DIO2: variants seen among roughly 807,000 people sequenced by gnomAD.
DIO2 encodes type II iodothyronine deiodinase.
In DIO2, 19 loss-of-function variants were observed where a neutral mutation model predicts 21.4. The observed-to-expected ratio is 0.89, with a 90% CI of 0.62 to 1.30. DIO2 has a LOEUF of 1.30. Ranked by LOEUF, DIO2 falls within the 50% of genes most tolerant of loss-of-function variation. The pLI, the probability that DIO2 is intolerant of heterozygous loss-of-function variation, is 0.00. For missense variants in DIO2, 302 were observed against 338.1 expected (o/e 0.89, Z 0.84); for synonymous variants, 122 against 132.9 (o/e 0.92, Z 0.57).
At chr14:80,203,980 C>A (rs1230878454) in intron 1 of DIO2, among the ~76,000 whole-genome samples, 1 of 152,206 alleles carries the variant, frequency 6.6e-6, no homozygotes, top group Non-Finnish European at 1.5e-5. Flanking sequence ...AAAAAGAGCT[C>A]TTTGTGCACT....
At position 80,211,376 on chromosome 14, in the gene DIO2, G is replaced by C; in HGVS notation, c.97C>G (p.Leu33Val). 6.2e-7 allele frequency: 1 copy of C among 1,613,756 alleles called. No homozygotes were observed. The highest frequency in any genetic ancestry group is 8.5e-7 in the Non-Finnish European group (1 of 1,179,844). ...AACAGCAGCACCACGTGCTTGAGCA[G>C]AATGACCGAGTCATAGAGAGCCAGG... ...LFLALYDSVI[L>V]LKHVVLLLSR... Residue 33 changes from leucine (L) to valine (V), a missense_variant, in exon 1 of 2, where the codon CTG becomes GTG. By Grantham distance (32) the Leu-to-Val change is conservative. Coordinates refer to ENST00000438257, the MANE Select transcript of DIO2 (RefSeq NM_013989.5).
chr14:80,211,274 A>AC lies in DIO2; in HGVS notation c.198_199insG (p.Phe67ValfsTer13). Reference sequence around the variant, plus strand: ...ACCTGTTTGTAGGCATCGAGGAGGAAGCTCTTCCAGACGCAGCGCAGTCCC... The same window carrying AC: ...ACCTGTTTGTAGGCATCGAGGAGGAACGCTCTTCCAGACGCAGCGCAGTCCC... On this transcript the variant is annotated frameshift_variant, in exon 1 of 2. Coordinates refer to ENST00000438257, the MANE Select transcript of DIO2 (RefSeq NM_013989.5). LOFTEE classifies it high-confidence loss of function. The AC allele has an allele frequency of 1.9e-6, 3 of 1,612,084 alleles. No individual in the cohort carries two copies. The highest frequency in any genetic ancestry group is 2.5e-6 in the Non-Finnish European group (3 of 1,179,728).
In DIO2 at chr14:80,197,898, G is replaced by A. The variant is rs1424355300; in HGVS notation, c.*4791C>T. The A allele has an allele frequency of 1.3e-5, 2 of 152,702 alleles. No individual in the cohort carries two copies. The highest frequency in any genetic ancestry group is 2.9e-5 in the Non-Finnish European group (2 of 68,076). The allele number at this position is 152,702 out of a possible 1,614,324, so 9.5% of individuals were successfully genotyped here. A position where few individuals can be genotyped will look rare whatever the true frequency, so the allele number is the denominator to read the frequency against. On this transcript the variant is annotated 3_prime_UTR_variant, in exon 2 of 2. Coordinates refer to ENST00000438257, the MANE Select transcript of DIO2 (RefSeq NM_013989.5). Reference sequence around the variant, plus strand: ...TTCGGGCGCCCGATTACTTGGGCTAGTGAGTCTGGTGACAATGTGATGCAA... The same window carrying A: ...TTCGGGCGCCCGATTACTTGGGCTAATGAGTCTGGTGACAATGTGATGCAA...
rs1472846291 is a variant in DIO2, at chr14:80,199,620, T to A, written c.*3069A>T. 2.0e-5 allele frequency: 3 copies of A among 152,556 alleles called. No individual in the cohort carries two copies. Among genetic ancestry groups the A allele is most frequent in the African/African-American group, 7.2e-5 (3 of 41,446 alleles). 9.5% of individuals were successfully genotyped at this position (152,556 alleles called of 1,614,324 possible). A position where few individuals can be genotyped will look rare whatever the true frequency, so the allele number is the denominator to read the frequency against. On this transcript the variant is annotated 3_prime_UTR_variant, in exon 2 of 2. Coordinates refer to ENST00000438257, the MANE Select transcript of DIO2 (RefSeq NM_013989.5). ...TCCCACTAGTATTTTCACTAAGCAA[T>A]AAATAAAGTCAGTTTTTGATAGGTC...
At chr14:80,213,310 T>G (rs1386195372), upstream of DIO2, among the ~76,000 whole-genome samples, 1 of 152,186 alleles carries the variant, frequency 6.6e-6, no homozygotes, top group Non-Finnish European at 1.5e-5. Context: ...TACTGGGTAA[T>G]AGATAGCTGA....
At chr14:80,213,919 A>C (rs1251795798), upstream of DIO2, among the ~76,000 whole-genome samples, 1 of 152,236 alleles carries the variant, frequency 6.6e-6, no homozygotes, top group Non-Finnish European at 1.5e-5. Context: ...AAAGCTTAGA[A>C]AAATAATATA....
At chr14:80,227,790 T>C (rs1037231825) in intron 2 of DIO2, among the ~76,000 whole-genome samples, 13 of 152,162 alleles carry the variant, frequency 8.5e-5, no homozygotes, top group Non-Finnish European at 7.4e-5. Context: ...AATGGCAGCC[T>C]TTTGAATCAC....
rs1887680243 is a variant in DIO2, at chr14:80,200,679, G to T, written c.*2010C>A. The T allele has an allele frequency of 6.6e-6, 1 of 152,154 alleles. No homozygotes were observed. Among genetic ancestry groups the T allele is most frequent in the African/African-American group, 2.4e-5 (1 of 41,430 alleles). 9.4% of individuals were successfully genotyped at this position (152,154 alleles called of 1,614,324 possible). On this transcript the variant is annotated 3_prime_UTR_variant, in exon 2 of 2. Coordinates refer to ENST00000438257, the MANE Select transcript of DIO2 (RefSeq NM_013989.5). ...ATTTTCCAGCAACTCATTAGATAATGAAATTTGCTTTGTTTCTTTGTGGGT... is the reference window on the plus strand; with the variant it reads ...ATTTTCCAGCAACTCATTAGATAATTAAATTTGCTTTGTTTCTTTGTGGGT...
At chr14:80,211,592 G>GGGA, upstream of DIO2, 1 of 162,280 alleles carries the variant, frequency 6.2e-6, no homozygotes, top group Non-Finnish European at 1.2e-5. Flanking sequence ...GGGGTTGGGG[G>GGGA]AGAAGGGGAA....
intron 2 of DIO2, among the ~76,000 whole-genome samples, chr14:80,224,545 T>G (rs1369803215): frequency 1.1e-5 from 1 of 86,964 alleles, no homozygotes; most frequent in Non-Finnish European, 2.8e-5. Flanking sequence ...AAGACAACAA[T>G]GAGAAGATGG....
At chr14:80,224,877 A>C (rs1888541059) in intron 2 of DIO2, among the ~76,000 whole-genome samples, 1 of 152,130 alleles carries the variant, frequency 6.6e-6, no homozygotes, top group East Asian at 1.9e-4. Context: ...GGAGTTTATT[A>C]AGTATTAACT....
chr14:80,214,327 A>T (rs1594879475), upstream of DIO2, among the ~76,000 whole-genome samples: 1 of 152,356 alleles, frequency 6.6e-6, no homozygotes, highest in East Asian at 1.9e-4. Context: ...GAAGGAGGAA[A>T]GTATGTTTGT....
At chr14:80,230,818 T>C (rs1204217508) in intron 2 of DIO2, 1 of 152,198 alleles carries the variant, frequency 6.6e-6, no homozygotes, top group Non-Finnish European at 1.5e-5. Flanking sequence ...GAATCACTCC[T>C]GGTACCAAAA....
At chr14:80,223,618 T>C (rs1013529955) in intron 2 of DIO2, among the ~76,000 whole-genome samples, 1 of 152,200 alleles carries the variant, frequency 6.6e-6, no homozygotes, top group Non-Finnish European at 1.5e-5. Flanking sequence ...ATATAAAAGT[T>C]TGAGCTTTTA....
At chr14:80,212,079 C>T (rs1361176407), upstream of DIO2, 1 of 149,730 alleles carries the variant, frequency 6.7e-6, no homozygotes, top group East Asian at 2.0e-4. Context: ...CTCCCAGTCT[C>T]ACTCTCTCCC....
intron 2 of DIO2, among the ~76,000 whole-genome samples, chr14:80,217,583 T>C (rs916232465): frequency 3.3e-5 from 5 of 152,184 alleles, no homozygotes; most frequent in Admixed American, 2.0e-4. Context: ...CCAGTCTCAT[T>C]TATTAGATGG....
chr14:80,202,765 TAGG>T lies in DIO2; in HGVS notation c.743_745del (p.Ser248del), dbSNP rs746448402. On this transcript the variant is annotated inframe_deletion, in exon 2 of 2. Coordinates refer to ENST00000438257, the MANE Select transcript of DIO2 (RefSeq NM_013989.5). ...CCAATGCCGGACTTCTTGAAGGTTGTAGGAGAAGGGGCCCTTTCCTCCCAGATA... is the reference window on the plus strand; with the variant it reads ...CCAATGCCGGACTTCTTGAAGGTTGTAGAAGGGGCCCTTTCCTCCCAGATA... 3 of 1,614,022 alleles carry T rather than the reference TAGG, an allele frequency of 1.9e-6. No individual in the cohort carries two copies. The highest frequency in any genetic ancestry group is 2.5e-6 in the Non-Finnish European group (3 of 1,179,894).
At chr14:80,215,294 G>A (rs1321950103), upstream of DIO2, among the ~76,000 whole-genome samples, 5 of 152,230 alleles carry the variant, frequency 3.3e-5, no homozygotes, top group East Asian at 9.7e-4. Flanking sequence ...TATTCCCATA[G>A]TAAAAGAGCA....
intron 2 of DIO2, among the ~76,000 whole-genome samples, chr14:80,222,832 GA>G (rs1273068834): frequency 9.3e-5 from 14 of 150,642 alleles, no homozygotes; most frequent in Admixed American, 9.2e-4. Flanking sequence ...ATGTACAGAG[GA>G]AAAATGGAAG....
Sources: gnomAD v4.1 joint callset for allele counts (sites outside exome capture counted in the v4.1 genomes callset) on GRCh38, gnomAD v4.1.1 for gene constraint, MANE v1.5 for transcripts, NCBI Gene and HGNC (gene_info 2026-07-23, HGNC 2026-07-21) for gene names.